The following MAPRE2 variants were observed in gnomAD, a reference collection of about 807,000 sequenced individuals.
The protein encoded by MAPRE2 is microtubule associated protein RP/EB family member 2.
MAPRE2 carries 13 observed loss-of-function variants against 43.2 expected under a neutral mutation model. That is an observed-to-expected ratio of 0.30 (90% CI 0.20 to 0.48). The LOEUF (loss-of-function observed/expected upper bound fraction) is 0.48. MAPRE2 is among the 20% of genes least tolerant of loss of function. The pLI is 0.99. For missense variants in MAPRE2, 161 were observed against 400.2 expected, an observed-to-expected ratio of 0.40 and a Z score of 5.10; for synonymous variants, 135 against 148.8, an observed-to-expected ratio of 0.91 and a Z score of 0.68.
chr18:35,078,133 C>G (rs1269968026), intron 2 of MAPRE2, among the ~76,000 whole-genome samples: 1 of 152,108 alleles, frequency 6.6e-6, no homozygotes. Context: ...ATATGTTTAT[C>G]TGAGGAAAGA....
chr18:34,994,444 G>A (rs1465256338), intron 1 of MAPRE2, among the ~76,000 whole-genome samples: 1 of 150,938 alleles, frequency 6.6e-6, no homozygotes, highest in Non-Finnish European at 1.5e-5. Flanking sequence ...GAGAAATGAT[G>A]GTCAAACTGG....
intron 2 of MAPRE2, among the ~76,000 whole-genome samples, chr18:35,096,800 C>T: frequency 9.6e-6 from 1 of 103,932 alleles, no homozygotes; most frequent in Admixed American, 9.5e-5. Context: ...ATAAGTAATA[C>T]TTAATACTTA....
intron 1 of MAPRE2, chr18:35,005,428 G>T: frequency 9.9e-6 from 10 of 1,014,342 alleles, no homozygotes; most frequent in South Asian, 1.7e-5. Context: ...ATAACTCTTT[G>T]CTTCCATATT....
chr18:35,113,722 G>A (rs1204644938), intron 4 of MAPRE2, among the ~76,000 whole-genome samples: 3 of 152,044 alleles, frequency 2.0e-5, no homozygotes, highest in Non-Finnish European at 2.9e-5. Flanking sequence ...GCAAAACCCC[G>A]TCTTTTCAAA....
At chr18:35,016,787 G>C (rs1233704444) in intron 2 of MAPRE2, among the ~76,000 whole-genome samples, 2 of 151,946 alleles carry the variant, frequency 1.3e-5, no homozygotes, top group East Asian at 3.9e-4. Flanking sequence ...TTCTTCTGCT[G>C]TGCAGAAGCT....
chr18:35,000,586 G>A (rs758484424), intron 1 of MAPRE2, among the ~76,000 whole-genome samples: 4 of 152,164 alleles, frequency 2.6e-5, no homozygotes, highest in Non-Finnish European at 4.4e-5. Context: ...GACATTTCTA[G>A]AGGATGGGGA....
chr18:35,055,680 T>G (rs1906192530), intron 1 of MAPRE2, among the ~76,000 whole-genome samples: 1 of 152,110 alleles, frequency 6.6e-6, no homozygotes, highest in Non-Finnish European at 1.5e-5. Context: ...GGGCCAGATG[T>G]GGTGGCTCAC....
At chr18:35,022,233 A>C (rs2097042342) in intron 2 of MAPRE2, among the ~76,000 whole-genome samples, 1 of 152,196 alleles carries the variant, frequency 6.6e-6, no homozygotes, top group Non-Finnish European at 1.5e-5. Context: ...AAATCTATGG[A>C]ACTAATGAAA....
chr18:35,041,439 A>T lies in MAPRE2; in HGVS notation c.-101A>T, dbSNP rs986266588. The T allele has an allele frequency of 4.4e-6, 7 of 1,585,634 alleles. No homozygotes were observed. Among genetic ancestry groups the T allele is most frequent in the Non-Finnish European group, 6.0e-6 (7 of 1,165,048 alleles). On this transcript the variant is annotated 5_prime_UTR_variant, in exon 1 of 7. Coordinates refer to ENST00000300249, the MANE Select transcript of MAPRE2 (RefSeq NM_014268.4). ...AGAAGGCAGTGAGCGAGCAGGCGGC[A>T]GGCACGGTCCGTGCGGAGCAGGCGA...
chr18:35,083,109 A>G (rs925874932), intron 2 of MAPRE2, among the ~76,000 whole-genome samples: 1 of 152,224 alleles, frequency 6.6e-6, no homozygotes, highest in Non-Finnish European at 1.5e-5. Context: ...CAAAAATTAG[A>G]TAAGATCTCA....
chr18:35,086,317 C>T (rs976693746), intron 2 of MAPRE2, among the ~76,000 whole-genome samples: 6 of 150,950 alleles, frequency 4.0e-5, no homozygotes, highest in East Asian at 1.9e-4. Context: ...TATATATGGG[C>T]GATCAATAAG....
intron 2 of MAPRE2, among the ~76,000 whole-genome samples, chr18:35,009,302 C>A (rs2097033288): frequency 6.6e-6 from 1 of 152,084 alleles, no homozygotes; most frequent in Admixed American, 6.6e-5. Context: ...GTATTGATCA[C>A]CAACTCTGTG....
intron 4 of MAPRE2, among the ~76,000 whole-genome samples, chr18:35,124,124 A>G (rs1251134688): frequency 6.6e-6 from 1 of 152,180 alleles, no homozygotes; most frequent in Non-Finnish European, 1.5e-5. Context: ...AGGATAATTT[A>G]TAAAGAAAAG....
chr18:35,051,868 G>C (rs1905955432), intron 1 of MAPRE2, among the ~76,000 whole-genome samples: 1 of 152,142 alleles, frequency 6.6e-6, no homozygotes, highest in Non-Finnish European at 1.5e-5. Flanking sequence ...ACGGTGCCTG[G>C]TGCAAAGTAA....
rs529879544 is a variant in MAPRE2, at chr18:35,035,368, G to A, written c.-8+29815G>A. Among the ~76,000 whole-genome samples, 210 of 151,592 alleles carry A rather than the reference G, an allele frequency of 1.4e-3. 1 individual carries two copies. Among genetic ancestry groups the A allele is most frequent in the Middle Eastern group, 6.8e-3 (2 of 292 alleles). ...CACACTCTGGGGACGGTTGTGGGGT[G>A]GGGGGAGAGGGGAGGGATAGCATTA... is the stretch of plus-strand genomic sequence containing the variant. On this transcript the variant is annotated intron_variant, in intron 2 of 7. Coordinates refer to the MAPRE2 transcript ENST00000413393.
rs541025789 is a variant in MAPRE2, at chr18:35,020,962, G to A, written c.-8+15409G>A. Among the ~76,000 whole-genome samples, 3 of 152,270 alleles carry A rather than the reference G, an allele frequency of 2.0e-5. No individual in the cohort carries two copies. In the South Asian group the frequency reaches 6.2e-4, roughly 32 times the overall value. On this transcript the variant is annotated intron_variant, in intron 2 of 7. Coordinates refer to the MAPRE2 transcript ENST00000413393. ...TCAATACATATTTTTAACTGATACAGAATTAGGGGTATCCTGGAATGTTCA... is the reference window on the plus strand; with the variant it reads ...TCAATACATATTTTTAACTGATACAAAATTAGGGGTATCCTGGAATGTTCA...
chr18:35,048,116 A>G (rs1444994141), intron 1 of MAPRE2, among the ~76,000 whole-genome samples: 1 of 152,184 alleles, frequency 6.6e-6, no homozygotes, highest in East Asian at 1.9e-4. Context: ...GGGAGGCCTC[A>G]GGGAGCTTTC....
At chr18:35,087,279 G>C (rs1907923181) in intron 2 of MAPRE2, among the ~76,000 whole-genome samples, 1 of 152,064 alleles carries the variant, frequency 6.6e-6, no homozygotes, top group Non-Finnish European at 1.5e-5. Flanking sequence ...CTTATTTCCA[G>C]ATCATTTCAG....
At chr18:34,979,371 G>C (rs2097014899) in intron 1 of MAPRE2, among the ~76,000 whole-genome samples, 1 of 152,176 alleles carries the variant, frequency 6.6e-6, no homozygotes, top group East Asian at 1.9e-4. Context: ...CCAGTGAATA[G>C]GAAGTAATTA....
Sources: allele counts gnomAD v4.1 joint callset (sites outside exome capture counted in the v4.1 genomes callset), GRCh38; gene constraint gnomAD v4.1.1; transcripts MANE v1.5; gene names NCBI Gene and HGNC (gene_info 2026-07-23, HGNC 2026-07-21).